The following CLIP2 variants were observed in gnomAD, a reference collection of about 807,000 sequenced individuals.
CLIP2 encodes CAP-Gly domain containing linker protein 2.
Under a neutral mutation model 111.7 loss-of-function variants are expected in CLIP2, and 41 were observed. That is an observed-to-expected ratio of 0.37 (90% CI 0.29 to 0.48). The LOEUF (loss-of-function observed/expected upper bound fraction) is 0.48, where lower values mean the gene tolerates loss of function less well. CLIP2 is among the 20% of genes least tolerant of loss of function. The probability of loss-of-function intolerance (pLI) is 0.99; values close to 1 mark genes in which losing one functional copy is unlikely to be tolerated. For synonymous variants in CLIP2, 660 were observed against 644.2 expected (o/e 1.02, Z -0.37); for missense variants, 1,160 against 1,422.1 (o/e 0.82, Z 2.96).
intron 2 of CLIP2, among the ~76,000 whole-genome samples, chr7:74,335,164 G>A (rs1363448081): frequency 2.0e-5 from 3 of 151,550 alleles, no homozygotes; most frequent in South Asian, 2.1e-4. Context: ...CCAGCTACTC[G>A]GGAGGCTGAG....
chr7:74,306,122 A>G (rs1554727717), intron 1 of CLIP2, among the ~76,000 whole-genome samples: 1 of 151,974 alleles, frequency 6.6e-6, no homozygotes, highest in Non-Finnish European at 1.5e-5. Context: ...GCGGGATCCC[A>G]GACCCTCTGC....
In CLIP2 at chr7:74,338,514, A is replaced by G; in HGVS notation, c.188A>G (p.Lys63Arg). The G allele has an allele frequency of 6.2e-7, 1 of 1,610,454 alleles. No individual in the cohort carries two copies. The highest frequency in any genetic ancestry group is 1.3e-5 in the African/African-American group (1 of 74,884). Residue 63 changes from lysine (K) to arginine (R), a missense_variant, in exon 3 of 17, where the codon AAG becomes AGG. Physicochemically the swap from Lys to Arg is conservative, Grantham distance 26. Transcript: ENST00000223398. This position sits in a 1 kb window ranked among gnomAD's most constrained non-coding sequence, Gnocchi z 4.3. The part of the protein sequence containing the change: ...SSPAAAAAPE[K>R]PGPKAAEVGD... ...CCGGCCGCAGCTGCTGCCCCCGAGA[A>G]GCCGGGCCCCAAGGCGGCGGAAGTG... is the stretch of plus-strand genomic sequence containing the variant.
chr7:74,372,403 G>GC (rs1554312050), intron 8 of CLIP2, among the ~76,000 whole-genome samples: 2 of 125,632 alleles, frequency 1.6e-5, no homozygotes, highest in South Asian at 2.5e-4. Flanking sequence ...CACAGGCCTT[G>GC]GGGGGGGGGG....
At chr7:74,392,970 G>T (rs1791336496) in intron 13 of CLIP2, among the ~76,000 whole-genome samples, 1 of 152,096 alleles carries the variant, frequency 6.6e-6, no homozygotes, top group Non-Finnish European at 1.5e-5. Context: ...AGTCTCCTGG[G>T]GAGGCCCCAC....
At position 74,356,401 on chromosome 7, in the gene CLIP2, C is replaced by T; in HGVS notation, c.804-9C>T. 6.2e-7 allele frequency: 1 copy of T among 1,613,622 alleles called. No homozygotes were observed. Among genetic ancestry groups the T allele is most frequent in the South Asian group, 1.1e-5 (1 of 91,072 alleles). ...GTGACAGCAGCTTGGGTCTCTCCTG[C>T]TTCCACAGGTACTTCCAGTGCCCAC... On this transcript the variant is annotated splice_polypyrimidine_tract_variant and intron_variant, in intron 4 of 16. Coordinates refer to ENST00000223398, the MANE Select transcript of CLIP2 (RefSeq NM_003388.5).
intron 3 of CLIP2, among the ~76,000 whole-genome samples, chr7:74,345,732 A>T (rs892022722): frequency 6.6e-6 from 1 of 151,742 alleles, no homozygotes; most frequent in Non-Finnish European, 1.5e-5. Context: ...CTATAATTCC[A>T]GCTACTCAGG....
At chr7:74,390,224 AGGATTAAT>A (rs1427262793) in intron 13 of CLIP2, among the ~76,000 whole-genome samples, 4 of 52,324 alleles carry the variant, frequency 7.6e-5, no homozygotes, top group Non-Finnish European at 1.6e-4. Context: ...AAAGAAAGAA[AGGATTAAT>A]GCCTCCCCAA....
At chr7:74,343,034 CAA>C (rs57450898) in intron 3 of CLIP2, among the ~76,000 whole-genome samples, 7 of 116,972 alleles carry the variant, frequency 6.0e-5, no homozygotes, top group Non-Finnish European at 3.8e-5. Flanking sequence ...GACTCTGTCT[CAA>C]AAAAAAAAAA....
At chr7:74,403,369 G>A (rs1203365093) in intron 16 of CLIP2, among the ~76,000 whole-genome samples, 1 of 151,924 alleles carries the variant, frequency 6.6e-6, no homozygotes, top group Admixed American at 6.6e-5. Context: ...AGGAGATCAA[G>A]ACCATCCTGG....
At chr7:74,354,459 C>G (rs1440816033) in intron 4 of CLIP2, among the ~76,000 whole-genome samples, 1 of 151,988 alleles carries the variant, frequency 6.6e-6, no homozygotes, top group Non-Finnish European at 1.5e-5. Flanking sequence ...ACTAAAAATA[C>G]AAAAAATTAA....
rs568385824 is a variant in CLIP2 at position 74,367,904 on chromosome 7, G to A, written c.1380+3589G>A. Among the ~76,000 whole-genome samples, 4 of 151,612 alleles carry A rather than the reference G, an allele frequency of 2.6e-5. No individual in the cohort carries two copies. The South Asian group carries it at 8.4e-4, about 32-fold the overall frequency. ...CCAGCCTGGGCAACATAGCAAGACC[G>A]TGTTTCTACAAAAATATTTTTTAAA... On this transcript the variant is annotated intron_variant, in intron 8 of 16. Transcript: ENST00000223398.
chr7:74,356,052 C>T (rs539873978), intron 4 of CLIP2, among the ~76,000 whole-genome samples: 1 of 152,292 alleles, frequency 6.6e-6, no homozygotes, highest in Non-Finnish European at 1.5e-5. Context: ...AGTTATTTAA[C>T]CTCTCTGAGC....
intron 2 of CLIP2, among the ~76,000 whole-genome samples, chr7:74,319,702 TC>T (rs1788890309): frequency 6.6e-6 from 1 of 151,530 alleles, no homozygotes; most frequent in Non-Finnish European, 1.5e-5. Context: ...GTGCCTGTAG[TC>T]CCAAGTACTC....
rs566653320 is a variant in CLIP2 at position 74,355,173 on chromosome 7, G to A, written c.803+1169G>A. On this transcript the variant is annotated intron_variant, in intron 4 of 16. Transcript: ENST00000223398. ...ATGGCACAGGGGAAGAGCTAGGCTTGGACCAGGCCTCGAAAGAAGGTAGGG... is the reference window on the plus strand; with the variant it reads ...ATGGCACAGGGGAAGAGCTAGGCTTAGACCAGGCCTCGAAAGAAGGTAGGG... Among the ~76,000 whole-genome samples, 3 of 152,296 alleles carry A rather than the reference G, an allele frequency of 2.0e-5. No individual in the cohort carries two copies. In the East Asian group the frequency reaches 5.8e-4, roughly 29 times the overall value.
At chr7:74,386,480 C>A in intron 11 of CLIP2, 41 bp from the exon 12 acceptor site, 2 of 1,562,718 alleles carry the variant, frequency 1.3e-6, no homozygotes, top group South Asian at 2.2e-5. Context: ...CTGCTTTGGT[C>A]CAGGAGCATT....
chr7:74,326,389 C>T (rs1554730671), intron 2 of CLIP2, among the ~76,000 whole-genome samples: 2 of 152,172 alleles, frequency 1.3e-5, no homozygotes. Context: ...ATCAGCCCCA[C>T]ACATTTGGCT....
chr7:74,305,167 C>T (rs62476374), intron 1 of CLIP2, among the ~76,000 whole-genome samples: 2 of 152,144 alleles, frequency 1.3e-5, no homozygotes, highest in African/African-American at 4.8e-5. Context: ...AGCCCAGGCA[C>T]TGTGCCATCC....
intron 2 of CLIP2, among the ~76,000 whole-genome samples, chr7:74,323,215 A>T (rs1385740741): frequency 6.6e-6 from 1 of 151,150 alleles, no homozygotes; most frequent in Non-Finnish European, 1.5e-5. Context: ...GGCTCATGCG[A>T]TCCTCTTGCC....
At chr7:74,323,745 T>C (rs1186200538) in intron 2 of CLIP2, among the ~76,000 whole-genome samples, 1 of 152,148 alleles carries the variant, frequency 6.6e-6, no homozygotes, top group African/African-American at 2.4e-5. Flanking sequence ...ATGTCTTATG[T>C]TCAGATGTAC....
Sources: gnomAD v4.1 joint callset for allele counts (sites outside exome capture counted in the v4.1 genomes callset) on GRCh38, gnomAD v4.1.1 for gene constraint, Gnocchi (gnomAD v3.1) non-coding constraint, MANE v1.5 for transcripts, NCBI Gene and HGNC (gene_info 2026-07-23, HGNC 2026-07-21) for gene names.